Variants in TYW1B observed in about 807,000 individuals in gnomAD.
TYW1B encodes S-adenosyl-L-methionine-dependent tRNA 4-demethylwyosine synthase TYW1B.
Under a neutral mutation model 86.9 loss-of-function variants are expected in TYW1B, and 73 were observed. The ratio of observed to expected loss-of-function variants is 0.84; its 90% confidence interval spans 0.70 to 1.02. TYW1B has a LOEUF of 1.02. TYW1B is among the 50% of genes least tolerant of loss of function. The pLI, the probability that TYW1B is intolerant of heterozygous loss-of-function variation, is 0.00. For missense variants in TYW1B, 637 were observed against 827.4 expected (o/e 0.77, Z 2.82); for synonymous variants, 248 against 292.8 (o/e 0.85, Z 1.56).
In TYW1B at chr7:72,604,907, T is replaced by C. The variant is rs1327053879; in HGVS notation, c.1785+11765A>G. Among the ~76,000 whole-genome samples the C allele has an allele frequency of 3.3e-5, 5 of 152,190 alleles. No individual in the cohort carries two copies. The East Asian group carries it at 7.7e-4, about 23-fold the overall frequency. On this transcript the variant is annotated intron_variant, in intron 13 of 13. Coordinates refer to ENST00000620995, the MANE Select transcript of TYW1B (RefSeq NM_001145440.3). ...TTTCCGCTGCTCAAAGCCAAGGTCATTGAGCTTTCTGCACCCTTCTATTAC... is the reference window on the plus strand; with the variant it reads ...TTTCCGCTGCTCAAAGCCAAGGTCACTGAGCTTTCTGCACCCTTCTATTAC...
intron 11 of TYW1B, among the ~76,000 whole-genome samples, chr7:72,670,268 T>C (rs1813566439): frequency 6.6e-6 from 1 of 152,248 alleles, no homozygotes; most frequent in South Asian, 2.1e-4. Context: ...CTTGGCTCAC[T>C]GCAACCTCCG....
intron 9 of TYW1B, among the ~76,000 whole-genome samples, chr7:72,724,445 C>T (rs1786962283): frequency 6.6e-6 from 1 of 152,226 alleles, no homozygotes; most frequent in African/African-American, 2.4e-5. Flanking sequence ...TGCACTCCAG[C>T]CTGGGCAACA....
rs556042271 is a variant in TYW1B at position 72,815,450 on chromosome 7, G to A, written c.167C>T (p.Thr56Met). Residue 56 changes from threonine (T) to methionine (M), a missense_variant, in exon 3 of 14, where the codon ACG becomes ATG. By Grantham distance (81) the Thr-to-Met change is moderately conservative (BLOSUM62 -1). Coordinates refer to ENST00000620995, the MANE Select transcript of TYW1B (RefSeq NM_001145440.3). ...GFATVLAEAV[T>M]SLDLPVAIIN... ...AATGGCCACAGGCAGATCCAGGGAC[G>A]TAACTGCTTCAGCAAGAACTGTTGC... 4.1e-5 allele frequency: 66 copies of A among 1,609,274 alleles called. No homozygotes were observed. The highest frequency in any genetic ancestry group is 9.0e-5 in the South Asian group (8 of 89,330).
At chr7:72,650,371 TG>T (rs1410131267) in intron 11 of TYW1B, among the ~76,000 whole-genome samples, 14 of 152,096 alleles carry the variant, frequency 9.2e-5, no homozygotes, top group African/African-American at 3.4e-4. Flanking sequence ...AAGATGTGCC[TG>T]GGGGTACAGC....
At chr7:72,802,266 T>A (rs1788414847) in intron 6 of TYW1B, 134 bp downstream of exon 6, 2 of 1,467,184 alleles carry the variant, frequency 1.4e-6, no homozygotes, top group Non-Finnish European at 1.8e-6. Flanking sequence ...GCAAAAAAAT[T>A]ATAAAACTCT....
At chr7:72,595,158 G>A (rs1185131467) in intron 13 of TYW1B, among the ~76,000 whole-genome samples, 3 of 152,142 alleles carry the variant, frequency 2.0e-5, no homozygotes, top group African/African-American at 7.2e-5. Flanking sequence ...GTAAGAAGAA[G>A]AAATACAAGG....
chr7:72,684,249 G>A (rs1813949404), intron 11 of TYW1B, among the ~76,000 whole-genome samples: 1 of 151,846 alleles, frequency 6.6e-6, no homozygotes, highest in Admixed American at 6.6e-5. Context: ...ACACCAAGTA[G>A]GATAAATGCC....
intron 11 of TYW1B, among the ~76,000 whole-genome samples, chr7:72,688,102 T>C (rs1554449751): frequency 6.6e-6 from 1 of 152,196 alleles, no homozygotes; most frequent in African/African-American, 2.4e-5. Flanking sequence ...AAGTGAAATA[T>C]AGACACATAT....
intron 9 of TYW1B, among the ~76,000 whole-genome samples, chr7:72,719,340 G>A (rs576493013): frequency 4.6e-5 from 7 of 151,868 alleles, no homozygotes; most frequent in South Asian, 2.1e-4. Context: ...TGGTAAAGAC[G>A]AAGTTTTGGG....
At position 72,586,823 on chromosome 7, in the gene TYW1B, G is replaced by A. The variant is rs373764159; in HGVS notation, c.1786-11104C>T. Among the ~76,000 whole-genome samples the A allele has an allele frequency of 1.8e-4, 27 of 152,068 alleles. 1 individual carries two copies. The East Asian group carries it at 2.7e-3, about 15-fold the overall frequency. ...TAAAGAAAGGTACTCTATCAGGCAG[G>A]ACATTCCAAGGGCTTAGAGGTCACC... On this transcript the variant is annotated intron_variant, in intron 13 of 13. Transcript: ENST00000620995.
rs181355883 is a variant in TYW1B at position 72,812,685 on chromosome 7, C to T, written c.238-2020G>A. On this transcript the variant is annotated intron_variant, in intron 3 of 13. Transcript: ENST00000620995. ...ACTACAATCCACGAGCCACATCTTGCTTGCTGCCTTTTGGGGTTTTTTTTT... is the reference window on the plus strand; with the variant it reads ...ACTACAATCCACGAGCCACATCTTGTTTGCTGCCTTTTGGGGTTTTTTTTT... Among the ~76,000 whole-genome samples, 143 of 151,476 alleles carry T rather than the reference C, an allele frequency of 9.4e-4. 1 individual carries two copies. Among genetic ancestry groups the T allele is most frequent in the Admixed American group, 1.6e-3 (24 of 15,160 alleles).
intron 5 of TYW1B, among the ~76,000 whole-genome samples, chr7:72,803,445 T>A (rs1311213723): frequency 1.3e-5 from 2 of 152,150 alleles, no homozygotes; most frequent in African/African-American, 4.8e-5. Flanking sequence ...ACAATGTTCA[T>A]ATACCCATTC....
chr7:72,636,556 T>G (rs1812671878), intron 11 of TYW1B, among the ~76,000 whole-genome samples: 1 of 152,234 alleles, frequency 6.6e-6, no homozygotes, highest in Non-Finnish European at 1.5e-5. Context: ...AGTATGACTT[T>G]TATGGGTAAA....
At chr7:72,608,905 C>T (rs1315200767) in intron 13 of TYW1B, among the ~76,000 whole-genome samples, 1 of 151,934 alleles carries the variant, frequency 6.6e-6, no homozygotes, top group Non-Finnish European at 1.5e-5. Flanking sequence ...CTATCTGGGT[C>T]GTGGTGATGG....
chr7:72,781,804 G>A (rs1458018373), intron 6 of TYW1B, among the ~76,000 whole-genome samples: 5 of 152,072 alleles, frequency 3.3e-5, no homozygotes, highest in African/African-American at 1.2e-4. Context: ...TCATATCCTC[G>A]CCAAGCTGCA....
At chr7:72,639,718 T>C (rs1275699334) in intron 11 of TYW1B, among the ~76,000 whole-genome samples, 1 of 151,636 alleles carries the variant, frequency 6.6e-6, no homozygotes, top group African/African-American at 2.4e-5. Flanking sequence ...ACAAAAAAAA[T>C]AGCCAGGCGT....
chr7:72,672,463 TACACACACAAACACACACACACACAC>T (rs1361709228), intron 11 of TYW1B, among the ~76,000 whole-genome samples: 1 of 57,844 alleles, frequency 1.7e-5, no homozygotes, highest in Non-Finnish European at 3.1e-5. Flanking sequence ...TATTTGGGCA[TACACACACAAACACACACACACACAC>T]ACACACACAC....
At position 72,680,764 on chromosome 7, in the gene TYW1B, C is replaced by T. The variant is rs546402598; in HGVS notation, c.1506+13923G>A. Among the ~76,000 whole-genome samples, 105 of 152,040 alleles carry T rather than the reference C, an allele frequency of 6.9e-4. 1 individual carries two copies. Among genetic ancestry groups the T allele is most frequent in the Admixed American group, 5.4e-3 (83 of 15,254 alleles). Reference sequence around the variant, plus strand: ...TGAAGACGATATGGAACGATAAACACCAATTACAGGATACTGATTCCCTCT... The same window carrying T: ...TGAAGACGATATGGAACGATAAACATCAATTACAGGATACTGATTCCCTCT... On this transcript the variant is annotated intron_variant, in intron 11 of 13. Coordinates refer to ENST00000620995, the MANE Select transcript of TYW1B (RefSeq NM_001145440.3).
At chr7:72,633,309 A>G (rs11763478) in intron 11 of TYW1B, among the ~76,000 whole-genome samples, 12,932 of 116,504 alleles carry the variant, frequency 0.11, no homozygotes, top group South Asian at 0.15. Context: ...GTACCCTTCA[A>G]TAAAAGATTC....
Sources: allele counts gnomAD v4.1 joint callset (sites outside exome capture counted in the v4.1 genomes callset), GRCh38; gene constraint gnomAD v4.1.1; transcripts MANE v1.5; gene names NCBI Gene and HGNC (gene_info 2026-07-23, HGNC 2026-07-21).